The following RAI1 variants were observed in gnomAD, a reference collection of about 807,000 sequenced individuals.
RAI1 encodes the protein retinoic acid induced 1.
A neutral mutation model predicts 123.8 loss-of-function variants in RAI1; 9 were observed. The observed-to-expected ratio is 0.07, with a 90% CI of 0.04 to 0.13. The LOEUF (loss-of-function observed/expected upper bound fraction) is 0.13. Ranked by LOEUF, RAI1 falls within the 10% of genes least tolerant of loss-of-function variation. RAI1 has a pLI of 1.00. For synonymous variants in RAI1, 1,231 were observed against 1,127.3 expected, an observed-to-expected ratio of 1.09 and a Z score of -1.84; for missense variants, 2,256 against 2,545.8, an observed-to-expected ratio of 0.89 and a Z score of 2.45.
rs1426714562 is a variant in RAI1, at chr17:17,793,569, C to A, written c.621C>A (p.Thr207=). 1 of 1,613,806 alleles carries A rather than the reference C, an allele frequency of 6.2e-7. No individual in the cohort carries two copies. Among genetic ancestry groups the A allele is most frequent in the Non-Finnish European group, 8.5e-7 (1 of 1,180,014 alleles). The change falls in exon 3 of 6, where the codon ACC becomes ACA. Residue 207 remains threonine (T), a synonymous_variant. Coordinates refer to ENST00000353383, the MANE Select transcript of RAI1 (RefSeq NM_030665.4). ...CCCCTCTGCCCTTCCCCCAGGGTAC[C>A]CACTTTCCTCAGCATTCCCAGTCCT... ...IASPLPFPQG[T]HFPQHSQSFP...
intron 2 of RAI1, among the ~76,000 whole-genome samples, chr17:17,760,427 C>T (rs913276685): frequency 9.9e-5 from 15 of 152,102 alleles, no homozygotes; most frequent in Non-Finnish European, 8.8e-5. Flanking sequence ...CCAGACTGTA[C>T]CCAGAAGTTT....
rs751888195 is a variant in RAI1, at chr17:17,797,792, A to C, written c.4844A>C (p.Asn1615Thr). ...DAFTTICTVV[N>T]SPGDAPKPHR... ...TTCACCACCATATGCACTGTTGTCA[A>C]CTCCCCTGGAGATGCGCCCAAGCCC... The change falls in exon 3 of 6, where the codon AAC becomes ACC. Residue 1615 changes from asparagine to threonine, a missense_variant. Around this residue, in one of 7 missense-constraint regions of RAI1, gnomAD observed 410 missense variants for 374.6 expected, o/e 1.09. Transcript: ENST00000353383. The C allele has an allele frequency of 1.2e-6, 2 of 1,613,298 alleles. No homozygotes were observed. Among genetic ancestry groups the C allele is most frequent in the South Asian group, 1.1e-5 (1 of 91,048 alleles).
At chr17:17,787,744 G>C (rs1416251707) in intron 2 of RAI1, among the ~76,000 whole-genome samples, 1 of 152,216 alleles carries the variant, frequency 6.6e-6, no homozygotes, top group African/African-American at 2.4e-5. Context: ...CACAGCTTTA[G>C]AGTTAGGGGA....
In RAI1 at chr17:17,796,135, C is replaced by T. The variant is rs1272653502; in HGVS notation, c.3187C>T (p.Leu1063=). 6.3e-7 allele frequency: 1 copy of T among 1,578,712 alleles called. No homozygotes were observed. Among genetic ancestry groups the T allele is most frequent in the Admixed American group, 1.8e-5 (1 of 55,600 alleles). ...PRMCTRSLTA[L]SEPRTPGPPG... ...GATGTGTACTCGTTCTCTCACGGCC[C>T]TGAGTGAGCCCCGCACGCCCGGACC... The change falls in exon 3 of 6, where the codon CTG becomes TTG. Residue 1063 remains leucine, a synonymous_variant. Transcript: ENST00000353383. The surrounding 1 kb of genome is among the most constrained non-coding windows in gnomAD (Gnocchi z 5.8).
intron 1 of RAI1, chr17:17,683,962 C>T (rs1914533893): frequency 6.6e-6 from 1 of 152,288 alleles, no homozygotes; most frequent in African/African-American, 2.4e-5. Context: ...CAGCCTCAAC[C>T]TCCAGGGCTC....
At chr17:17,700,088 G>C (rs1208839651) in intron 1 of RAI1, among the ~76,000 whole-genome samples, 1 of 152,236 alleles carries the variant, frequency 6.6e-6, no homozygotes, top group East Asian at 1.9e-4. Flanking sequence ...GGCTGCTATC[G>C]TTGTTGAATA....
chr17:17,686,036 C>A (rs990533937), intron 1 of RAI1, among the ~76,000 whole-genome samples: 1 of 152,230 alleles, frequency 6.6e-6, no homozygotes, highest in East Asian at 1.9e-4. Flanking sequence ...GCGTTTATCA[C>A]GGAATTATCG....
chr17:17,783,071 T>TGTG (rs373577992), intron 2 of RAI1, among the ~76,000 whole-genome samples: 5 of 152,112 alleles, frequency 3.3e-5, no homozygotes, highest in African/African-American at 1.2e-4. Context: ...TGATGGGGGC[T>TGTG]GGTGGCAGCC....
At chr17:17,782,819 G>A (rs944828996) in intron 2 of RAI1, among the ~76,000 whole-genome samples, 1 of 152,176 alleles carries the variant, frequency 6.6e-6, no homozygotes, top group Non-Finnish European at 1.5e-5. Context: ...GGCGCCAAGA[G>A]GGCAGCACGG....
chr17:17,687,256 G>C (rs760204544), intron 1 of RAI1, among the ~76,000 whole-genome samples: 101 of 152,166 alleles, frequency 6.6e-4, no homozygotes, highest in Non-Finnish European at 1.3e-3. Context: ...CATGGGGTAG[G>C]GGGCAGGGAA....
At chr17:17,690,637 G>T (rs1017393070) in intron 1 of RAI1, among the ~76,000 whole-genome samples, 1 of 152,214 alleles carries the variant, frequency 6.6e-6, no homozygotes, top group Admixed American at 6.5e-5. Context: ...CCTGGGCACA[G>T]AATAGTGTGC....
At chr17:17,703,015 C>T (rs1915278067) in intron 1 of RAI1, among the ~76,000 whole-genome samples, 1 of 152,212 alleles carries the variant, frequency 6.6e-6, no homozygotes, top group Non-Finnish European at 1.5e-5. Flanking sequence ...CAGTGGTTAG[C>T]ACTGTACTTT....
intron 2 of RAI1, among the ~76,000 whole-genome samples, chr17:17,744,508 G>C (rs911301077): frequency 6.6e-6 from 1 of 152,160 alleles, no homozygotes; most frequent in African/African-American, 2.4e-5. Flanking sequence ...AGAAGGGAAG[G>C]CCGGGCACGG....
At chr17:17,696,841 C>G (rs1015649907) in intron 1 of RAI1, among the ~76,000 whole-genome samples, 1 of 152,234 alleles carries the variant, frequency 6.6e-6, no homozygotes, top group East Asian at 1.9e-4. Flanking sequence ...AGACCTTGGC[C>G]TCATCCTCAT....
Position 17,795,890 on chromosome 17 carries a change from T to G in RAI1, c.2942T>G (p.Val981Gly). ...GCCCAGAAGCCCAACAAGCCTGCTG[T>G]GCCCGAGGCGCCCATCGCAAAGAAA... is the stretch of plus-strand genomic sequence containing the variant. ...SLAQKPNKPAVPEAPIAKKEP... is the reference protein window; with the variant it reads ...SLAQKPNKPAGPEAPIAKKEP... The change falls in exon 3 of 6, where the codon GTG becomes GGG. Residue 981 changes from valine (V) to glycine (G), a missense_variant. This residue lies in a region of RAI1 where 566 missense variants were observed against 616.0 expected (regional missense o/e 0.92). Transcript: ENST00000353383. The surrounding 1 kb of genome is among the most constrained non-coding windows in gnomAD (Gnocchi z 5.9). 1 of 1,612,032 alleles carries G rather than the reference T, an allele frequency of 6.2e-7. No homozygotes were observed. Among genetic ancestry groups the G allele is most frequent in the Non-Finnish European group, 8.5e-7 (1 of 1,179,896 alleles).
At chr17:17,713,821 G>T (rs1200232577) in intron 1 of RAI1, among the ~76,000 whole-genome samples, 1 of 152,136 alleles carries the variant, frequency 6.6e-6, no homozygotes, top group Non-Finnish European at 1.5e-5. Flanking sequence ...GCCAGAGATG[G>T]GGGATCCACT....
intron 2 of RAI1, among the ~76,000 whole-genome samples, chr17:17,727,579 A>G (rs1191889613): frequency 6.6e-6 from 1 of 152,102 alleles, no homozygotes; most frequent in Admixed American, 6.5e-5. Flanking sequence ...CCTGCCCACC[A>G]CAGTTCCCCT....
intron 2 of RAI1, among the ~76,000 whole-genome samples, chr17:17,762,900 G>A (rs1021898544): frequency 7.9e-5 from 12 of 152,064 alleles, no homozygotes; most frequent in Non-Finnish European, 1.5e-4. Context: ...CTCCCATGGG[G>A]GCTGGCCCGA....
intron 1 of RAI1, among the ~76,000 whole-genome samples, chr17:17,705,387 TG>T (rs1915360761): frequency 6.6e-6 from 1 of 152,196 alleles, no homozygotes. Flanking sequence ...CCGAGCACTC[TG>T]GGAGCCCAAG....
Sources: allele counts gnomAD v4.1 joint callset (sites outside exome capture counted in the v4.1 genomes callset), GRCh38; gene constraint gnomAD v4.1.1; regional missense constraint gnomAD v4.1.1; non-coding constraint Gnocchi (gnomAD v3.1); transcripts MANE v1.5; gene names NCBI Gene and HGNC (gene_info 2026-07-23, HGNC 2026-07-21).